QRSL1: variants seen among roughly 807,000 people sequenced by gnomAD.
QRSL1 encodes glutamyl-tRNA(Gln) amidotransferase subunit A, mitochondrial.
Under a neutral mutation model 61.6 loss-of-function variants are expected in QRSL1, and 54 were observed. The observed-to-expected ratio is 0.88, with a 90% CI of 0.70 to 1.10. The LOEUF (loss-of-function observed/expected upper bound fraction) is 1.10. Among genes scored for constraint, QRSL1 ranks in the 50% least tolerant of loss-of-function variants. The pLI, the probability that QRSL1 is intolerant of heterozygous loss-of-function variation, is 0.00. For synonymous variants in QRSL1, 228 were observed against 225.7 expected (o/e 1.01, Z -0.09); for missense variants, 505 against 622.6 (o/e 0.81, Z 2.01).
chr6:106,649,535 T>A (rs753064242), intron 5 of QRSL1, among the ~76,000 whole-genome samples: 7 of 152,222 alleles, frequency 4.6e-5, no homozygotes, highest in Non-Finnish European at 8.8e-5. Context: ...GCTCACTGAT[T>A]ATACAAATAT....
intron 9 of QRSL1, among the ~76,000 whole-genome samples, chr6:106,657,530 A>G (rs954076764): frequency 6.6e-6 from 1 of 152,186 alleles, no homozygotes. Flanking sequence ...GTCAGAAAGC[A>G]TTCCTCATGA....
intron 4 of QRSL1, 48 bp downstream of exon 4, chr6:106,643,138 TATTTTCACTAA>T (rs1407377970): frequency 7.8e-7 from 1 of 1,275,804 alleles, no homozygotes; most frequent in Admixed American, 2.0e-5. Flanking sequence ...TCTGTGCCTT[TATTTTCACTAA>T]ATGTAGTTAC....
intron 4 of QRSL1, among the ~76,000 whole-genome samples, chr6:106,648,123 C>T (rs1296263900): frequency 6.6e-6 from 1 of 151,448 alleles, no homozygotes; most frequent in Admixed American, 6.6e-5. Flanking sequence ...TGGTGAAACC[C>T]CGTCTCTACT....
At chr6:106,659,947 C>T (rs763476692) in intron 9 of QRSL1, among the ~76,000 whole-genome samples, 9 of 152,168 alleles carry the variant, frequency 5.9e-5, no homozygotes, top group Non-Finnish European at 1.2e-4. Flanking sequence ...CTCATGCACT[C>T]ATAGATCAGT....
intron 4 of QRSL1, among the ~76,000 whole-genome samples, chr6:106,645,823 C>T (rs901876461): frequency 6.6e-6 from 1 of 152,188 alleles, no homozygotes; most frequent in African/African-American, 2.4e-5. Flanking sequence ...CCTTTTATCC[C>T]ATGACCTTGT....
At chr6:106,651,769 A>G (rs1195100514) in intron 5 of QRSL1, among the ~76,000 whole-genome samples, 14 of 152,342 alleles carry the variant, frequency 9.2e-5, no homozygotes, top group African/African-American at 3.1e-4. Flanking sequence ...TTTGTTTTCA[A>G]TATCAACATC....
intron 1 of QRSL1, among the ~76,000 whole-genome samples, chr6:106,639,923 A>G (rs1776990464): frequency 6.6e-6 from 1 of 152,164 alleles, no homozygotes; most frequent in Non-Finnish European, 1.5e-5. Context: ...TTAGAGAGCC[A>G]TAAAAATCCT....
chr6:106,632,822 T>G (rs72945097), intron 1 of QRSL1, among the ~76,000 whole-genome samples: 5,950 of 152,330 alleles, frequency 0.039, 167 homozygotes, highest in Non-Finnish European at 0.06. Context: ...TTTTTCCTGT[T>G]GAGTTGTTTG....
intron 2 of QRSL1, 105 bp from the exon 3 acceptor site, chr6:106,640,715 TGAA>T: frequency 8.9e-7 from 1 of 1,117,952 alleles, no homozygotes; most frequent in East Asian, 2.4e-5. Flanking sequence ...ATTTGTTTTC[TGAA>T]GAAGTATCTT....
intron 1 of QRSL1, among the ~76,000 whole-genome samples, chr6:106,633,162 C>G (rs770592415): frequency 3.3e-5 from 5 of 152,200 alleles, no homozygotes; most frequent in Non-Finnish European, 7.3e-5. Context: ...TACTTTATCA[C>G]TCCTTTAACA....
At chr6:106,645,620 A>G (rs1026557624) in intron 4 of QRSL1, among the ~76,000 whole-genome samples, 3 of 152,022 alleles carry the variant, frequency 2.0e-5, no homozygotes, top group Non-Finnish European at 4.4e-5. Context: ...ACAGTGTTTC[A>G]CCATATTGGC....
At chr6:106,639,777 T>C (rs1412798002) in intron 1 of QRSL1, among the ~76,000 whole-genome samples, 1 of 152,168 alleles carries the variant, frequency 6.6e-6, no homozygotes, top group Non-Finnish European at 1.5e-5. Context: ...TTTACCAGCC[T>C]TCCCAATGTC....
rs1777437951 is a variant in QRSL1, at chr6:106,666,578, A to G, written c.*576A>G. 1.3e-5 allele frequency: 2 copies of G among 154,690 alleles called. No individual in the cohort carries two copies. Among genetic ancestry groups the G allele is most frequent in the African/African-American group, 4.8e-5 (2 of 41,462 alleles). 9.6% of individuals were successfully genotyped at this position (154,690 alleles called of 1,614,324 possible). A position where few individuals can be genotyped will look rare whatever the true frequency, so the allele number is the denominator to read the frequency against. The stretch of plus-strand genomic sequence containing the variant: ...CATTCTGCCATAATGTTCATTAAAG[A>G]GTTTACAGTAAAAATAAGATTAGGG... On this transcript the variant is annotated 3_prime_UTR_variant, in exon 11 of 11. Coordinates refer to ENST00000369046, the MANE Select transcript of QRSL1 (RefSeq NM_018292.5).
chr6:106,654,427 A>C (rs1777236024), intron 7 of QRSL1, among the ~76,000 whole-genome samples: 1 of 151,992 alleles, frequency 6.6e-6, no homozygotes, highest in South Asian at 2.1e-4. Context: ...ATATGCTGAT[A>C]TGCTGTTAGG....
intron 9 of QRSL1, among the ~76,000 whole-genome samples, chr6:106,661,820 T>G (rs1777361171): frequency 7.0e-6 from 1 of 143,844 alleles, no homozygotes; most frequent in Non-Finnish European, 1.5e-5. Flanking sequence ...CAAGCAATGC[T>G]CCTGCCTCAG....
intron 4 of QRSL1, among the ~76,000 whole-genome samples, chr6:106,647,714 G>A (rs1333898768): frequency 5.4e-4 from 67 of 124,900 alleles, no homozygotes; most frequent in Non-Finnish European, 8.8e-4. Context: ...GCAGTGGCGC[G>A]ATCTCGGCTC....
At chr6:106,629,748 G>T (rs766072877) in intron 1 of QRSL1, 43 bp downstream of exon 1, 2 of 1,585,452 alleles carry the variant, frequency 1.3e-6, no homozygotes. Flanking sequence ...AGGGCGGAAA[G>T]TTTAACGGAC....
chr6:106,639,665 T>C (rs534819569), intron 1 of QRSL1, among the ~76,000 whole-genome samples: 214 of 152,316 alleles, frequency 1.4e-3, no homozygotes, highest in African/African-American at 5.0e-3. Flanking sequence ...ACAGGAAATA[T>C]TAGACACTCA....
chr6:106,642,945 A>G (rs781465274), intron 3 of QRSL1, 49 bp from the exon 4 acceptor site: 2 of 1,292,350 alleles, frequency 1.5e-6, no homozygotes, highest in Non-Finnish European at 2.2e-6. Context: ...TAAACAAATA[A>G]AAGACTTCTG....
Sources: gnomAD v4.1 joint callset for allele counts (sites outside exome capture counted in the v4.1 genomes callset) on GRCh38, gnomAD v4.1.1 for gene constraint, MANE v1.5 for transcripts, NCBI Gene and HGNC (gene_info 2026-07-23, HGNC 2026-07-21) for gene names.